Variants in SSBP3 observed in about 807,000 individuals in gnomAD.
SSBP3 encodes the protein single stranded DNA binding protein 3, also known as single-stranded DNA-binding protein 3.
In SSBP3, 5 loss-of-function variants were observed where a neutral mutation model predicts 69.6. The ratio of observed to expected loss-of-function variants is 0.07; its 90% CI spans 0.04 to 0.15. The LOEUF (loss-of-function observed/expected upper bound fraction) is 0.15. Among genes scored for constraint, SSBP3 ranks in the 10% least tolerant of loss-of-function variants. The pLI is 1.00. For synonymous variants in SSBP3, 196 were observed against 193.4 expected, an observed-to-expected ratio of 1.01 and a Z score of -0.11; for missense variants, 312 against 534.0, an observed-to-expected ratio of 0.58 and a Z score of 4.10.
chr1:54,236,550 C>T (rs1644498946), intron 14 of SSBP3: 2 of 152,264 alleles, frequency 1.3e-5, no homozygotes, highest in African/African-American at 4.8e-5. Context: ...GCTCGGGTTA[C>T]AGGCGTAAGC....
chr1:54,304,433 C>A (rs570239406), intron 4 of SSBP3, among the ~76,000 whole-genome samples: 145 of 152,254 alleles, frequency 9.5e-4, no homozygotes, highest in African/African-American at 3.4e-3. Context: ...CTCCAAGGAC[C>A]AGGGCGTCTT....
chr1:54,308,918 A>AAT (rs397770587), intron 4 of SSBP3, among the ~76,000 whole-genome samples: 111 of 152,208 alleles, frequency 7.3e-4, no homozygotes, highest in African/African-American at 2.6e-3. Flanking sequence ...AAAAAAAAAA[A>AAT]TACCTAAGAA....
chr1:54,350,379 T>C (rs949101957), intron 4 of SSBP3, among the ~76,000 whole-genome samples: 2 of 152,240 alleles, frequency 1.3e-5, no homozygotes, highest in African/African-American at 4.8e-5. Flanking sequence ...GTCTCCTTTC[T>C]CATCCGTGGA....
rs553123750 is a variant in SSBP3 at position 54,286,788 on chromosome 1, G to C, written c.277-5261C>G. The stretch of plus-strand genomic sequence containing the variant: ...GAAAGCGCCTTGGAAGCCAGGCTAA[G>C]GAATGGAACTTTCTGCTCTGGGCAA... On this transcript the variant is annotated intron_variant, in intron 4 of 17. Coordinates refer to ENST00000610401, the Ensembl canonical transcript of SSBP3. 9 of 152,386 alleles carry C rather than the reference G, an allele frequency of 5.9e-5. No individual in the cohort carries two copies. In the East Asian group the frequency reaches 1.5e-3, roughly 26 times the overall value. The allele number at this position is 152,386 out of a possible 1,614,324, so 9.4% of individuals were successfully genotyped here. A position where few individuals can be genotyped will look rare whatever the true frequency, so the allele number is the denominator to read the frequency against.
rs1226349831 is a variant in SSBP3 at position 54,243,310 on chromosome 1, A to C, written c.652-11T>G. ...GCCGCTGCCGTAATTCTGCAACGAT[A>C]ACCAAGGGTCAGTCTATGAGAAGAA... On this transcript the variant is annotated splice_polypyrimidine_tract_variant and intron_variant, in intron 9 of 17. Transcript: ENST00000610401. 1 of 1,614,114 alleles carries C rather than the reference A, an allele frequency of 6.2e-7. No homozygotes were observed. Among genetic ancestry groups the C allele is most frequent in the Non-Finnish European group, 8.5e-7 (1 of 1,180,006 alleles).
chr1:54,276,422 C>G (rs1319374580), intron 5 of SSBP3, among the ~76,000 whole-genome samples: 1 of 151,704 alleles, frequency 6.6e-6, no homozygotes, highest in African/African-American at 2.4e-5. Flanking sequence ...ACCGGCCTGG[C>G]CAGCATGGTG....
rs547858826 is a variant in SSBP3 at position 54,234,568 on chromosome 1, G to A, written c.927+4561C>T. ...TGTGACACTGCCCTCTAGACTGGGT[G>A]ACAGACACCCTATCTCTAAACAGAC... is the stretch of plus-strand genomic sequence containing the variant. On this transcript the variant is annotated intron_variant, in intron 14 of 17. Transcript: ENST00000610401. 3.9e-5 allele frequency among the ~76,000 whole-genome samples: 6 copies of A among 152,028 alleles called. No homozygotes were observed. The South Asian group carries it at 1.2e-3, about 32-fold the overall frequency.
intron 9 of SSBP3, among the ~76,000 whole-genome samples, chr1:54,247,411 T>C (rs1219921878): frequency 6.6e-6 from 1 of 152,200 alleles, no homozygotes; most frequent in African/African-American, 2.4e-5. Flanking sequence ...GGCCATCTCA[T>C]GCAGGACCAC....
At chr1:54,378,041 G>A (rs1290022032) in intron 4 of SSBP3, among the ~76,000 whole-genome samples, 1 of 152,008 alleles carries the variant, frequency 6.6e-6, no homozygotes, top group South Asian at 2.1e-4. Flanking sequence ...CCAAGTCTAC[G>A]GAACCTCTAC....
chr1:54,340,430 A>T (rs1646587253), intron 4 of SSBP3, among the ~76,000 whole-genome samples: 2 of 152,186 alleles, frequency 1.3e-5, no homozygotes, highest in African/African-American at 4.8e-5. Context: ...AGCAGCTTCA[A>T]GCCCACCCAT....
intron 4 of SSBP3, among the ~76,000 whole-genome samples, chr1:54,354,391 T>C (rs1030731057): frequency 6.6e-6 from 1 of 152,192 alleles, no homozygotes; most frequent in Non-Finnish European, 1.5e-5. Flanking sequence ...CAATGGACTC[T>C]GAGGGTCACC....
intron 4 of SSBP3, among the ~76,000 whole-genome samples, chr1:54,316,665 T>TAAA (rs1378398010): frequency 1.5e-4 from 3 of 20,650 alleles, no homozygotes; most frequent in Non-Finnish European, 3.2e-4. Flanking sequence ...AAAAATAAAA[T>TAAA]AAATAAATAA....
At chr1:54,332,438 T>C (rs561182009) in intron 4 of SSBP3, among the ~76,000 whole-genome samples, 2 of 152,328 alleles carry the variant, frequency 1.3e-5, no homozygotes, top group Non-Finnish European at 2.9e-5. Context: ...CCCAGCCACC[T>C]TGAATGCCTC....
chr1:54,308,315 G>T (rs1359304314), intron 4 of SSBP3, among the ~76,000 whole-genome samples: 1 of 151,790 alleles, frequency 6.6e-6, no homozygotes, highest in African/African-American at 2.4e-5. Context: ...AAATTAGCCG[G>T]GCGTGGCCGG....
chr1:54,354,676 A>G (rs1414105301), intron 4 of SSBP3, among the ~76,000 whole-genome samples: 1 of 152,092 alleles, frequency 6.6e-6, no homozygotes, highest in Non-Finnish European at 1.5e-5. Context: ...GCTCCTCTCC[A>G]GCCCACTCCC....
intron 6 of SSBP3, 58 bp from the exon 7 acceptor site, chr1:54,257,244 C>A: frequency 1.4e-6 from 2 of 1,443,962 alleles, no homozygotes; most frequent in Non-Finnish European, 1.9e-6. Context: ...GTGACAAACA[C>A]AAATGCTCTC....
At chr1:54,309,156 G>T (rs1163475909) in intron 4 of SSBP3, among the ~76,000 whole-genome samples, 2 of 152,174 alleles carry the variant, frequency 1.3e-5, no homozygotes, top group East Asian at 3.9e-4. Flanking sequence ...TTATCAAGCA[G>T]GTTTTGTAAC....
At chr1:54,356,117 C>G (rs549192621) in intron 4 of SSBP3, among the ~76,000 whole-genome samples, 3 of 152,200 alleles carry the variant, frequency 2.0e-5, no homozygotes. Flanking sequence ...CCTGTTGCTA[C>G]GGCAACCATA....
At chr1:54,227,912 G>A (rs559949548) in intron 17 of SSBP3, among the ~76,000 whole-genome samples, 26 of 152,298 alleles carry the variant, frequency 1.7e-4, no homozygotes, top group Admixed American at 1.4e-3. Context: ...CCTGAAAATC[G>A]TTGGCTGCAC....
Sources: allele counts gnomAD v4.1 joint callset (sites outside exome capture counted in the v4.1 genomes callset), GRCh38; gene constraint gnomAD v4.1.1; transcripts MANE v1.5; gene names NCBI Gene and HGNC (gene_info 2026-07-23, HGNC 2026-07-21).